Variants in ACSBG2 observed in about 807,000 individuals in gnomAD.
The protein encoded by ACSBG2 is long-chain-fatty-acid--CoA ligase ACSBG2.
In ACSBG2, 62 loss-of-function variants were observed where a neutral mutation model predicts 74.7. The observed-to-expected ratio is 0.83, with a 90% confidence interval of 0.68 to 1.03. The LOEUF (loss-of-function observed/expected upper bound fraction) is 1.03. Ranked by LOEUF, ACSBG2 falls within the 50% of genes least tolerant of loss-of-function variation. The pLI is 0.00. For missense variants in ACSBG2, 730 were observed against 817.6 expected, an observed-to-expected ratio of 0.89 and a Z score of 1.31; for synonymous variants, 309 against 294.1, an observed-to-expected ratio of 1.05 and a Z score of -0.52.
intron 1 of ACSBG2, among the ~76,000 whole-genome samples, chr19:6,140,359 T>C (rs2088775155): frequency 6.6e-6 from 1 of 151,928 alleles, no homozygotes; most frequent in South Asian, 2.1e-4. Context: ...AGCCCCGGAA[T>C]CCTGTCCGCT....
Position 6,151,618 on chromosome 19 carries a change from G to C in ACSBG2, c.298-89G>C. On this transcript the variant is annotated intron_variant, in intron 3 of 14. Coordinates refer to ENST00000588485, the MANE Select transcript of ACSBG2 (RefSeq NM_030924.5). ...GAGCCACTGCGCCTGGCCTCCATGTGACTACCTTTGATTCTGTCGTCACAT... is the reference window on the plus strand; with the variant it reads ...GAGCCACTGCGCCTGGCCTCCATGTCACTACCTTTGATTCTGTCGTCACAT... 3 of 1,334,448 alleles carry C rather than the reference G, an allele frequency of 2.2e-6. No homozygotes were observed. The South Asian group carries it at 3.8e-5, about 17-fold the overall frequency. 82.7% of individuals were successfully genotyped at this position (1,334,448 alleles called of 1,614,324 possible).
chr19:6,166,762 T>C (rs990684284), intron 7 of ACSBG2, among the ~76,000 whole-genome samples: 6 of 152,070 alleles, frequency 3.9e-5, no homozygotes, highest in Admixed American at 3.9e-4. Flanking sequence ...CTCAGCCTCC[T>C]GAGTATCTGG....
At position 6,174,048 on chromosome 19, in the gene ACSBG2, C is replaced by A. The variant is rs942954449; in HGVS notation, c.739-3181C>A. Among the ~76,000 whole-genome samples the A allele has an allele frequency of 6.6e-6, 1 of 151,832 alleles. No individual in the cohort carries two copies. The highest frequency in any genetic ancestry group is 1.5e-5 in the Non-Finnish European group (1 of 67,982). On this transcript the variant is annotated intron_variant, in intron 7 of 14. Transcript: ENST00000588485. This position sits in a 1 kb window ranked among gnomAD's most constrained non-coding sequence, Gnocchi z 4.2. ...GCCTCCCAATTTCAAGCGATTCCCC[C>A]ACCTCAGCCTCCTGAGTAGCAGGGA... is the stretch of plus-strand genomic sequence containing the variant.
In ACSBG2 at chr19:6,180,336, G is replaced by A. The variant is rs973309642; in HGVS notation, c.907-2415G>A. 1.1e-4 allele frequency among the ~76,000 whole-genome samples: 16 copies of A among 152,124 alleles called. No individual in the cohort carries two copies. Among genetic ancestry groups the A allele is most frequent in the African/African-American group, 2.9e-4 (12 of 41,418 alleles). On this transcript the variant is annotated intron_variant, in intron 8 of 14. Transcript: ENST00000588485. The surrounding 1 kb of genome is among the most constrained non-coding windows in gnomAD (Gnocchi z 4.3). ...AGGCTAAATCTTAGGGCCTTTGCAC[G>A]TGCTTCTAGAAGGTTCTTTCTCTTG... is the stretch of plus-strand genomic sequence containing the variant.
chr19:6,154,626 C>T (rs2089358595), intron 4 of ACSBG2, among the ~76,000 whole-genome samples: 1 of 151,502 alleles, frequency 6.6e-6, no homozygotes, highest in African/African-American at 2.4e-5. Context: ...ATTCTCCTGC[C>T]TCAGCCTCCC....
Position 6,183,229 on chromosome 19 carries a change from G to C in ACSBG2, c.1279G>C (p.Gly427Arg). The change falls in exon 10 of 15, where the codon GGA becomes CGA. Residue 427 changes from glycine (G) to arginine (R), a missense_variant. Gly to Arg is a moderately radical substitution (Grantham distance 125, BLOSUM62 -2). Transcript: ENST00000588485. The stretch of plus-strand genomic sequence containing the variant: ...GTTGTATGGGTTGAGTGAGAGCTCG[G>C]GACCCCACACGATATCCAACCAGAA... ...GELYGLSESS[G>R]PHTISNQNNY... 6.2e-7 allele frequency: 1 copy of C among 1,614,108 alleles called. No homozygotes were observed. The highest frequency in any genetic ancestry group is 8.5e-7 in the Non-Finnish European group (1 of 1,180,026).
At chr19:6,143,740 T>G (rs2088930278) in intron 2 of ACSBG2, among the ~76,000 whole-genome samples, 1 of 152,100 alleles carries the variant, frequency 6.6e-6, no homozygotes. Context: ...CACCCCCATC[T>G]CCCCAGGTGG....
intron 13 of ACSBG2, chr19:6,189,962 C>A (rs889237502): frequency 1.3e-5 from 2 of 152,838 alleles, no homozygotes; most frequent in African/African-American, 2.4e-5. Context: ...CCCGCCTTGG[C>A]CTCCCAAAGT....
intron 4 of ACSBG2, among the ~76,000 whole-genome samples, chr19:6,155,487 G>A (rs555363509): frequency 6.6e-6 from 1 of 152,188 alleles, no homozygotes; most frequent in African/African-American, 2.4e-5. Context: ...CTTATTAAAA[G>A]ACACCAACAA....
intron 2 of ACSBG2, 130 bp from the exon 3 acceptor site, chr19:6,147,316 T>C (rs995784690): frequency 2.9e-6 from 2 of 689,084 alleles, no homozygotes; most frequent in African/African-American, 3.6e-5. Context: ...GTTGACCACA[T>C]AACTTCACCC....
chr19:6,153,406 G>A (rs950106832), intron 4 of ACSBG2, among the ~76,000 whole-genome samples: 1 of 152,058 alleles, frequency 6.6e-6, no homozygotes, highest in Non-Finnish European at 1.5e-5. Flanking sequence ...CGATAATCTG[G>A]GACCAATAGA....
At position 6,147,804 on chromosome 19, in the gene ACSBG2, C is replaced by T. The variant is rs1180791371; in HGVS notation, c.297+129C>T. On this transcript the variant is annotated intron_variant, in intron 3 of 14. Coordinates refer to ENST00000588485, the MANE Select transcript of ACSBG2 (RefSeq NM_030924.5). ...AAGGTTAATTGGCGAAAATTTCCCT[C>T]TGATTCATGAGCCTCAGCCACTCAG... The T allele has an allele frequency of 3.2e-6, 3 of 949,530 alleles. No homozygotes were observed. The Admixed American group carries it at 6.6e-5, about 21-fold the overall frequency. The allele number at this position is 949,530 out of a possible 1,614,324, so 58.8% of individuals were successfully genotyped here. A position where few individuals can be genotyped will look rare whatever the true frequency, so the allele number is the denominator to read the frequency against.
Position 6,147,682 on chromosome 19 carries a change from T to G in ACSBG2, c.297+7T>G. ...TGCAAAATCCTTGATCAAGGTAAGA[T>G]TCATTCATTCATTCTCCTTTGTTCA... On this transcript the variant is annotated splice_region_variant and intron_variant, in intron 3 of 14. Coordinates refer to ENST00000588485, the MANE Select transcript of ACSBG2 (RefSeq NM_030924.5). 1 of 1,601,694 alleles carries G rather than the reference T, an allele frequency of 6.2e-7. No homozygotes were observed. The highest frequency in any genetic ancestry group is 2.2e-5 in the East Asian group (1 of 44,834).
At chr19:6,158,745 T>A (rs1435045835) in intron 5 of ACSBG2, among the ~76,000 whole-genome samples, 2 of 152,142 alleles carry the variant, frequency 1.3e-5, no homozygotes, top group African/African-American at 4.8e-5. Context: ...ACTGGCCATA[T>A]GTTTTCTCAC....
chr19:6,187,684 C>T lies in ACSBG2; in HGVS notation c.1766C>T (p.Ala589Val), dbSNP rs145122124. 62 of 1,614,174 alleles carry T rather than the reference C, an allele frequency of 3.8e-5. No homozygotes were observed. In the African/African-American group the frequency reaches 5.7e-4, roughly 15 times the overall value. Residue 589 changes from alanine to valine, a missense_variant, in exon 13 of 15, where the codon GCA becomes GTA. By Grantham distance (64) the Ala-to-Val change is moderately conservative (BLOSUM62 0). Transcript: ENST00000588485. ...INFCRGLGSQ[A>V]STVTEIVKQQ... The stretch of plus-strand genomic sequence containing the variant: ...TTCTGTCGGGGTCTGGGCAGCCAGG[C>T]ATCCACCGTGACTGAGATTGTGAAG...
At chr19:6,146,589 A>C (rs1233734901) in intron 2 of ACSBG2, among the ~76,000 whole-genome samples, 9 of 151,504 alleles carry the variant, frequency 5.9e-5, no homozygotes, top group African/African-American at 1.7e-4. Flanking sequence ...AACATGGAGA[A>C]ACTCCATCTC....
At chr19:6,139,198 C>T (rs2088723618) in intron 1 of ACSBG2, among the ~76,000 whole-genome samples, 1 of 151,970 alleles carries the variant, frequency 6.6e-6, no homozygotes, top group Non-Finnish European at 1.5e-5. Flanking sequence ...AGGGATTCTC[C>T]TGACTCGACC....
At chr19:6,190,812 TACACACACAC>T (rs58730661) in intron 14 of ACSBG2, 120 bp downstream of exon 14, 4,829 of 336,730 alleles carry the variant, frequency 0.014, 160 homozygotes, top group African/African-American at 0.081. Flanking sequence ...CACACATACA[TACACACACAC>T]ACACACACAC....
intron 6 of ACSBG2, among the ~76,000 whole-genome samples, chr19:6,164,593 C>T (rs1355302939): frequency 5.3e-5 from 8 of 152,090 alleles, no homozygotes; most frequent in South Asian, 2.1e-4. Flanking sequence ...CCACCACACC[C>T]GGCTAATTTT....
Sources: gnomAD v4.1 joint callset for allele counts (sites outside exome capture counted in the v4.1 genomes callset) on GRCh38, gnomAD v4.1.1 for gene constraint, Gnocchi (gnomAD v3.1) non-coding constraint, MANE v1.5 for transcripts, NCBI Gene and HGNC (gene_info 2026-07-23, HGNC 2026-07-21) for gene names.